TTLL5: variants seen among roughly 807,000 people sequenced by gnomAD.
TTLL5 encodes tubulin polyglutamylase TTLL5.
Under a neutral mutation model 168.4 loss-of-function variants are expected in TTLL5, and 132 were observed. The observed-to-expected ratio is 0.78, with a 90% CI of 0.68 to 0.91. The LOEUF (loss-of-function observed/expected upper bound fraction) is 0.91, where lower values mean the gene tolerates loss of function less well. Among genes scored for constraint, TTLL5 ranks in the 40% least tolerant of loss-of-function variants. The probability of loss-of-function intolerance (pLI) is 0.00; values close to 1 mark genes in which losing one functional copy is unlikely to be tolerated. For missense variants in TTLL5, 1,545 were observed against 1,581.5 expected (o/e 0.98, Z 0.39); for synonymous variants, 546 against 558.6 (o/e 0.98, Z 0.32).
chr14:75,881,723 G>T (rs2031822067), intron 29 of TTLL5, among the ~76,000 whole-genome samples: 1 of 152,036 alleles, frequency 6.6e-6, no homozygotes, highest in Admixed American at 6.5e-5. Context: ...TATGTATTTT[G>T]TCAATGATGT....
intron 28 of TTLL5, among the ~76,000 whole-genome samples, chr14:75,827,150 G>A (rs1895212781): frequency 6.6e-6 from 1 of 152,166 alleles, no homozygotes; most frequent in Admixed American, 6.5e-5. Context: ...TTTTGGTATA[G>A]GCTCTTAGTA....
intron 6 of TTLL5, among the ~76,000 whole-genome samples, chr14:75,692,748 A>G (rs1057317280): frequency 7.9e-5 from 12 of 152,230 alleles, no homozygotes; most frequent in Non-Finnish European, 1.5e-4. Flanking sequence ...TAGGAAGACC[A>G]TTGGGTTTTT....
At chr14:75,808,082 C>A (rs1012225210) in intron 27 of TTLL5, among the ~76,000 whole-genome samples, 3 of 152,132 alleles carry the variant, frequency 2.0e-5, no homozygotes, top group African/African-American at 7.2e-5. Flanking sequence ...CAGCAACTCC[C>A]CCTGTCAACA....
At chr14:75,728,414 A>T in intron 12 of TTLL5, among the ~76,000 whole-genome samples, 1 of 152,002 alleles carries the variant, frequency 6.6e-6, no homozygotes, top group South Asian at 2.1e-4. Flanking sequence ...AAAGACAAGA[A>T]AGAGAGATAG....
chr14:75,924,906 C>T (rs1313798445), intron 31 of TTLL5, among the ~76,000 whole-genome samples: 7 of 149,626 alleles, frequency 4.7e-5, no homozygotes, highest in Non-Finnish European at 7.4e-5. Flanking sequence ...GCTGGTCGGG[C>T]GGGGGGCTGA....
At chr14:75,693,243 C>T (rs1275421264) in intron 6 of TTLL5, among the ~76,000 whole-genome samples, 1 of 152,050 alleles carries the variant, frequency 6.6e-6, no homozygotes, top group Non-Finnish European at 1.5e-5. Context: ...TTGATGAGGT[C>T]TTATGCCAGG....
chr14:75,831,951 A>G (rs557485810), intron 28 of TTLL5, among the ~76,000 whole-genome samples: 3 of 152,236 alleles, frequency 2.0e-5, no homozygotes, highest in African/African-American at 7.2e-5. Flanking sequence ...TCCGTTTCTG[A>G]TCACTTGCCA....
intron 27 of TTLL5, among the ~76,000 whole-genome samples, chr14:75,801,279 G>A (rs1207493811): frequency 6.6e-6 from 1 of 152,066 alleles, no homozygotes; most frequent in Non-Finnish European, 1.5e-5. Context: ...TGCCCCTGCT[G>A]CATCATACAG....
intron 29 of TTLL5, among the ~76,000 whole-genome samples, chr14:75,867,364 G>C (rs934601835): frequency 6.6e-6 from 1 of 152,108 alleles, no homozygotes; most frequent in Non-Finnish European, 1.5e-5. Flanking sequence ...CTAATGAATA[G>C]GCAGAATCCT....
intron 18 of TTLL5, among the ~76,000 whole-genome samples, chr14:75,760,290 C>T (rs1890550654): frequency 6.6e-6 from 1 of 151,944 alleles, no homozygotes; most frequent in Non-Finnish European, 1.5e-5. Context: ...AAAACATGTT[C>T]AATACCTATA....
intron 31 of TTLL5, among the ~76,000 whole-genome samples, chr14:75,934,705 G>A (rs1173117016): frequency 6.6e-6 from 1 of 152,046 alleles, no homozygotes; most frequent in Non-Finnish European, 1.5e-5. Flanking sequence ...TCTTATGTAT[G>A]GAAAGTGAAA....
chr14:75,722,670 A>G (rs149556101), intron 12 of TTLL5, among the ~76,000 whole-genome samples: 8 of 151,524 alleles, frequency 5.3e-5, no homozygotes, highest in Middle Eastern at 3.4e-3. Context: ...TGTATTAGAG[A>G]CAGGGTCTCA....
chr14:75,728,212 C>T (rs1468551331), intron 12 of TTLL5, among the ~76,000 whole-genome samples: 3 of 151,872 alleles, frequency 2.0e-5, no homozygotes, highest in Non-Finnish European at 4.4e-5. Flanking sequence ...AAAAGTTAGC[C>T]AGGCATGGTG....
intron 27 of TTLL5, among the ~76,000 whole-genome samples, chr14:75,809,183 A>T (rs1332722575): frequency 1.3e-5 from 2 of 152,188 alleles, no homozygotes; most frequent in Non-Finnish European, 2.9e-5. Flanking sequence ...ATATACACTC[A>T]AACTTATAAA....
intron 27 of TTLL5, among the ~76,000 whole-genome samples, chr14:75,811,156 A>AGAGAGTGTGTGTGTGTGTGTGT (rs60194482): frequency 8.6e-6 from 1 of 116,532 alleles, no homozygotes; most frequent in African/African-American, 3.4e-5. Context: ...TGAAAGAAAG[A>AGAGAGTGTGTGTGTGTGTGTGT]GTGTGTGTGT....
intron 17 of TTLL5, among the ~76,000 whole-genome samples, chr14:75,750,729 T>C (rs1889899907): frequency 1.3e-5 from 2 of 152,190 alleles, no homozygotes; most frequent in Non-Finnish European, 2.9e-5. Context: ...GGGTCAACTA[T>C]ATATACTATG....
At chr14:75,718,969 C>T (rs1376320857) in intron 10 of TTLL5, among the ~76,000 whole-genome samples, 1 of 152,196 alleles carries the variant, frequency 6.6e-6, no homozygotes, top group Non-Finnish European at 1.5e-5. Flanking sequence ...TTTGCATTGA[C>T]TGAAGAGATC....
At chr14:75,768,571 A>G (rs1288904293) in intron 20 of TTLL5, among the ~76,000 whole-genome samples, 1 of 152,094 alleles carries the variant, frequency 6.6e-6, no homozygotes, top group African/African-American at 2.4e-5. Flanking sequence ...AGAGGATTAG[A>G]AATGCAGAAA....
At chr14:75,804,055 T>A (rs1053503420) in intron 27 of TTLL5, among the ~76,000 whole-genome samples, 8 of 152,184 alleles carry the variant, frequency 5.3e-5, no homozygotes, top group African/African-American at 1.2e-4. Context: ...ATGTGCTGTG[T>A]CAGTCTCTGC....
Sources: gnomAD v4.1 joint callset for allele counts (sites outside exome capture counted in the v4.1 genomes callset) on GRCh38, gnomAD v4.1.1 for gene constraint, MANE v1.5 for transcripts, NCBI Gene and HGNC (gene_info 2026-07-23, HGNC 2026-07-21) for gene names.